PDE11A: variants seen among roughly 807,000 people sequenced by gnomAD.
PDE11A encodes dual 3',5'-cyclic-AMP and -GMP phosphodiesterase 11A.
Under a neutral mutation model 100.5 loss-of-function variants are expected in PDE11A, and 100 were observed. The ratio of observed to expected loss-of-function variants is 1.00; its 90% CI spans 0.85 to 1.18. PDE11A has a LOEUF of 1.18. PDE11A is among the 50% of genes most tolerant of loss of function. The pLI is 0.00. For missense variants in PDE11A, 1,141 were observed against 1,152.6 expected, an observed-to-expected ratio of 0.99 and a Z score of 0.15; for synonymous variants, 381 against 420.8, an observed-to-expected ratio of 0.91 and a Z score of 1.16.
chr2:178,047,289 C>T (rs933132036), intron 1 of PDE11A, among the ~76,000 whole-genome samples: 2 of 151,962 alleles, frequency 1.3e-5, no homozygotes, highest in African/African-American at 4.8e-5. Context: ...CAGTGAAACC[C>T]CGTCTTTACT....
At chr2:177,909,424 G>A (rs957729256) in intron 2 of PDE11A, among the ~76,000 whole-genome samples, 2 of 152,066 alleles carry the variant, frequency 1.3e-5, no homozygotes, top group East Asian at 3.9e-4. Context: ...CTCCCGTCAG[G>A]CCCTGGGTTA....
At chr2:177,747,779 T>C (rs539391299) in intron 10 of PDE11A, among the ~76,000 whole-genome samples, 2 of 152,300 alleles carry the variant, frequency 1.3e-5, no homozygotes, top group African/African-American at 4.8e-5. Context: ...CTTGGTCTCA[T>C]CCTCAGCTCA....
At chr2:177,763,406 C>T (rs1425577820) in intron 10 of PDE11A, among the ~76,000 whole-genome samples, 2 of 152,178 alleles carry the variant, frequency 1.3e-5, no homozygotes, top group African/African-American at 4.8e-5. Flanking sequence ...ACCCGAGATG[C>T]ACTGGAAAGC....
chr2:177,882,408 C>T (rs991500668), intron 4 of PDE11A, among the ~76,000 whole-genome samples: 2 of 152,030 alleles, frequency 1.3e-5, no homozygotes, highest in African/African-American at 4.8e-5. Flanking sequence ...TAGGTGAAGG[C>T]ATAAATAAAA....
intron 19 of PDE11A, among the ~76,000 whole-genome samples, chr2:177,659,780 C>CT (rs111759646): frequency 0.074 from 10,971 of 148,558 alleles, 482 homozygotes; most frequent in East Asian, 0.18. Flanking sequence ...CCTTCTTCTT[C>CT]TTTTTTTTTT....
intron 2 of PDE11A, among the ~76,000 whole-genome samples, chr2:177,910,430 A>C (rs7575777): frequency 0.097 from 7,701 of 79,796 alleles, 223 homozygotes; most frequent in Middle Eastern, 0.2. Flanking sequence ...CTCTCTCTCT[A>C]TATATATATA....
chr2:177,791,488 G>A (rs1026912485), intron 9 of PDE11A, among the ~76,000 whole-genome samples: 2 of 149,602 alleles, frequency 1.3e-5, no homozygotes, highest in African/African-American at 4.9e-5. Context: ...GTATACATAT[G>A]TAACTAACCT....
intron 19 of PDE11A, among the ~76,000 whole-genome samples, chr2:177,636,096 C>T (rs1029211490): frequency 1.3e-5 from 2 of 151,980 alleles, no homozygotes; most frequent in East Asian, 1.9e-4. Context: ...ACTGAATCAA[C>T]AAATATAATT....
intron 2 of PDE11A, among the ~76,000 whole-genome samples, chr2:177,985,053 T>C (rs780468978): frequency 6.6e-6 from 1 of 152,344 alleles, no homozygotes; most frequent in Admixed American, 6.5e-5. Context: ...ACCTTCCAAC[T>C]TCTCTCAGCT....
At chr2:177,845,297 T>G (rs1354839980) in intron 5 of PDE11A, among the ~76,000 whole-genome samples, 10 of 123,314 alleles carry the variant, frequency 8.1e-5, no homozygotes, top group African/African-American at 2.6e-4. Context: ...AGGCAGAGGG[T>G]CTCCTCACTT....
intron 19 of PDE11A, among the ~76,000 whole-genome samples, chr2:177,659,267 G>GGAA (rs1443941632): frequency 7.8e-6 from 1 of 128,204 alleles, no homozygotes; most frequent in African/African-American, 3.1e-5. Flanking sequence ...ATCTCAGGGG[G>GGAA]AAAAAAAAAA....
At chr2:178,018,554 C>A (rs911689613) in intron 1 of PDE11A, 1 of 370,468 alleles carries the variant, frequency 2.7e-6, no homozygotes, top group Admixed American at 3.4e-5. Context: ...ATTCCACTAA[C>A]AATAAAAAGG....
upstream of PDE11A, among the ~76,000 whole-genome samples, chr2:178,073,336 A>G (rs905881916): frequency 1.3e-5 from 2 of 152,160 alleles, no homozygotes; most frequent in Non-Finnish European, 2.9e-5. Context: ...ATAGCAAATA[A>G]AGTTTCCGAT....
intron 3 of PDE11A, among the ~76,000 whole-genome samples, 154 bp from the exon 4 acceptor site, chr2:177,898,352 A>C (rs1008294178): frequency 6.6e-6 from 1 of 152,218 alleles, no homozygotes; most frequent in Non-Finnish European, 1.5e-5. Context: ...ACATATTTTT[A>C]TCTCTCAATT....
chr2:177,701,343 T>TA (rs2081193793), intron 13 of PDE11A, 132 bp from the exon 14 acceptor site: 22 of 698,720 alleles, frequency 3.1e-5, no homozygotes, highest in South Asian at 1.7e-4. Context: ...ACTGCTTTTG[T>TA]AGTCCATTCA....
chr2:178,052,459 G>A (rs565520371), intron 1 of PDE11A, among the ~76,000 whole-genome samples: 6 of 152,126 alleles, frequency 3.9e-5, no homozygotes, highest in East Asian at 3.9e-4. Flanking sequence ...AAGAACTAGA[G>A]AAGCAAGAGC....
chr2:177,939,689 T>C (rs1331512106), intron 2 of PDE11A, among the ~76,000 whole-genome samples: 20 of 152,150 alleles, frequency 1.3e-4, no homozygotes, highest in African/African-American at 4.6e-4. Flanking sequence ...GCAAAATCCA[T>C]ATTGTGGGAA....
At chr2:178,091,237 A>G (rs2087418833) in intron 2 of PDE11A, among the ~76,000 whole-genome samples, 1 of 151,798 alleles carries the variant, frequency 6.6e-6, no homozygotes, top group Admixed American at 6.6e-5. Flanking sequence ...TGGACACCTA[A>G]TTTTTGTATT....
At chr2:178,053,204 T>C (rs1328824294) in intron 1 of PDE11A, among the ~76,000 whole-genome samples, 3 of 152,060 alleles carry the variant, frequency 2.0e-5, no homozygotes, top group African/African-American at 7.2e-5. Context: ...GCAAGGCTGG[T>C]TCAACATACA....
Sources: allele counts gnomAD v4.1 joint callset (sites outside exome capture counted in the v4.1 genomes callset), GRCh38; gene constraint gnomAD v4.1.1; transcripts MANE v1.5; gene names NCBI Gene and HGNC (gene_info 2026-07-23, HGNC 2026-07-21).